The following MBD5 variants were observed in gnomAD, a reference collection of about 807,000 sequenced individuals.
MBD5 encodes methyl-CpG-binding domain protein 5.
In MBD5, 13 loss-of-function variants were observed where a neutral mutation model predicts 117.3. The ratio of observed to expected loss-of-function variants is 0.11; its 90% CI spans 0.07 to 0.18. MBD5 has a LOEUF of 0.18. Ranked by LOEUF, MBD5 falls within the 10% of genes least tolerant of loss-of-function variation. The pLI, the probability that MBD5 is intolerant of heterozygous loss-of-function variation, is 1.00. For synonymous variants in MBD5, 727 were observed against 766.4 expected (o/e 0.95, Z 0.85); for missense variants, 1,879 against 2,093.8 (o/e 0.90, Z 2.00).
At chr2:148,143,358 T>C (rs1697363994) in intron 1 of MBD5, among the ~76,000 whole-genome samples, 1 of 152,218 alleles carries the variant, frequency 6.6e-6, no homozygotes, top group Admixed American at 6.5e-5. Context: ...TGTTTGCCTC[T>C]GGAGACAGAC....
At position 148,513,038 on chromosome 2, in the gene MBD5, T is replaced by A. The variant is rs1682265204; in HGVS notation, c.*97T>A. ...ATATAGCCACAGTTATATCAATATT[T>A]AGACTATGGCAGATAGCTACCACCA... On this transcript the variant is annotated 3_prime_UTR_variant, in exon 14 of 14. Transcript: ENST00000642680. 4 of 1,226,868 alleles carry A rather than the reference T, an allele frequency of 3.3e-6. No individual in the cohort carries two copies. Among genetic ancestry groups the A allele is most frequent in the Non-Finnish European group, 4.8e-6 (4 of 836,650 alleles). 76.0% of individuals were successfully genotyped at this position (1,226,868 alleles called of 1,614,324 possible).
At chr2:148,397,260 T>A (rs1301008807) in intron 4 of MBD5, among the ~76,000 whole-genome samples, 1 of 152,054 alleles carries the variant, frequency 6.6e-6, no homozygotes, top group Non-Finnish European at 1.5e-5. Context: ...TATATTTGGC[T>A]TTATTATTCT....
chr2:148,382,012 G>A (rs1704160946), intron 4 of MBD5, among the ~76,000 whole-genome samples: 1 of 152,166 alleles, frequency 6.6e-6, no homozygotes, highest in Non-Finnish European at 1.5e-5. Context: ...ACATGCCAAA[G>A]TGTAAAGACC....
intron 4 of MBD5, among the ~76,000 whole-genome samples, chr2:148,374,553 T>C (rs1283003587): frequency 6.6e-6 from 1 of 152,178 alleles, no homozygotes; most frequent in East Asian, 1.9e-4. Flanking sequence ...GAATTTAAAG[T>C]GATATTAAAG....
intron 4 of MBD5, among the ~76,000 whole-genome samples, chr2:148,379,239 A>C (rs1222073382): frequency 3.3e-5 from 5 of 152,134 alleles, no homozygotes; most frequent in Non-Finnish European, 5.9e-5. Context: ...CAAATACAAA[A>C]AAAAGATGCT....
At chr2:148,140,870 A>G (rs577723946) in intron 1 of MBD5, among the ~76,000 whole-genome samples, 2 of 152,090 alleles carry the variant, frequency 1.3e-5, no homozygotes, top group African/African-American at 2.4e-5. Flanking sequence ...GGCTCAAGCA[A>G]TGCTGTCACC....
Position 148,470,116 on chromosome 2 carries a change from G to T in MBD5, c.2173G>T (p.Ala725Ser), listed in dbSNP as rs747127657. 5.4e-5 allele frequency: 87 copies of T among 1,613,702 alleles called. No individual in the cohort carries two copies. The highest frequency in any genetic ancestry group is 1.3e-4 in the East Asian group (6 of 44,864). ...TAGCAATAGTACCCCGGGTTGTGGG[G>T]CCTCAAATACTGCTTTGCCTTGCTC... is the stretch of plus-strand genomic sequence containing the variant. The part of the protein sequence containing the change: ...LSSNSTPGCG[A>S]SNTALPCSAN... Residue 725 changes from alanine (A) to serine (S), a missense_variant, in exon 8 of 14, where the codon GCC (alanine) becomes TCC (serine). This residue lies in a region of MBD5 where 1,666 missense variants were observed against 1,792.2 expected (regional missense o/e 0.93). Transcript: ENST00000642680.
At chr2:148,230,563 G>C (rs1306855656) in intron 2 of MBD5, among the ~76,000 whole-genome samples, 1 of 152,098 alleles carries the variant, frequency 6.6e-6, no homozygotes, top group African/African-American at 2.4e-5. Context: ...TGGTAACTAA[G>C]GTACAAGACA....
At chr2:148,323,395 G>C (rs1470191449) in intron 3 of MBD5, among the ~76,000 whole-genome samples, 4 of 151,396 alleles carry the variant, frequency 2.6e-5, no homozygotes, top group Non-Finnish European at 5.9e-5. Flanking sequence ...GGTATTTCTA[G>C]TTCTAGATCC....
intron 4 of MBD5, among the ~76,000 whole-genome samples, chr2:148,421,995 G>T (rs2105269304): frequency 6.6e-6 from 1 of 152,330 alleles, no homozygotes; most frequent in East Asian, 1.9e-4. Context: ...AGGGGCAGTT[G>T]TGGGTGCAGC....
intron 13 of MBD5, among the ~76,000 whole-genome samples, chr2:148,510,382 A>C (rs1439532418): frequency 6.6e-6 from 1 of 152,264 alleles, no homozygotes; most frequent in Non-Finnish European, 1.5e-5. Context: ...CGTTTAAAAT[A>C]TGAGCAGCAA....
intron 3 of MBD5, among the ~76,000 whole-genome samples, chr2:148,258,607 G>T (rs1021029130): frequency 3.3e-5 from 5 of 152,284 alleles, no homozygotes; most frequent in African/African-American, 1.2e-4. Context: ...TAGTCTTTGA[G>T]GTAAAGCACC....
chr2:148,471,527 C>A (rs1339827481), intron 8 of MBD5: 2 of 152,092 alleles, frequency 1.3e-5, no homozygotes, highest in South Asian at 4.1e-4. Context: ...TAATAATAAG[C>A]TAGTGTGTAG....
intron 1 of MBD5, among the ~76,000 whole-genome samples, chr2:148,140,248 T>C (rs1462999845): frequency 6.6e-6 from 1 of 152,200 alleles, no homozygotes; most frequent in Non-Finnish European, 1.5e-5. Flanking sequence ...ATATTGACAA[T>C]GGATTTTTGC....
At position 148,173,103 on chromosome 2, in the gene MBD5, G is replaced by T. The variant is rs1029370444; in HGVS notation, c.-924-5597G>T. On this transcript the variant is annotated intron_variant, in intron 1 of 13. Coordinates refer to ENST00000642680, the MANE Select transcript of MBD5 (RefSeq NM_001378120.1). ...GCCGAATGGCACCACTGAAAGAGCA[G>T]TAACAAACAGGGCTAAAACACGCCC... is the stretch of plus-strand genomic sequence containing the variant. Among the ~76,000 whole-genome samples the T allele has an allele frequency of 1.3e-5, 2 of 152,314 alleles. 1 individual carries two copies. The highest frequency in any genetic ancestry group is 2.9e-5 in the Non-Finnish European group (2 of 68,022).
At chr2:148,428,508 T>C (rs1000110767) in intron 4 of MBD5, among the ~76,000 whole-genome samples, 4 of 152,110 alleles carry the variant, frequency 2.6e-5, no homozygotes, top group African/African-American at 9.7e-5. Flanking sequence ...AAATTTCATA[T>C]GGAACCAAAA....
At chr2:148,508,565 C>T (rs1682115903) in intron 12 of MBD5, among the ~76,000 whole-genome samples, 1 of 152,020 alleles carries the variant, frequency 6.6e-6, no homozygotes, top group Admixed American at 6.6e-5. Context: ...ATTAACATTT[C>T]CTTCCAGCGG....
intron 1 of MBD5, among the ~76,000 whole-genome samples, chr2:148,152,025 G>T (rs1281155121): frequency 2.0e-5 from 3 of 150,648 alleles, no homozygotes; most frequent in African/African-American, 7.3e-5. Flanking sequence ...TCTTTTAATT[G>T]TGATGTTAGG....
At position 148,047,962 on chromosome 2, in the gene MBD5, G is replaced by T. The variant is rs540631203; in HGVS notation, c.-925+26278G>T. On this transcript the variant is annotated intron_variant, in intron 1 of 13. Transcript: ENST00000642680. ...TGTTTATTTTAGAAAGCCTCACAAA[G>T]AAGCCTCTAGTAAGATACTGTAGAT... 4.6e-5 allele frequency among the ~76,000 whole-genome samples: 7 copies of T among 152,150 alleles called. No individual in the cohort carries two copies. The South Asian group carries it at 6.2e-4, about 14-fold the overall frequency.
Sources: gnomAD v4.1 joint callset for allele counts (sites outside exome capture counted in the v4.1 genomes callset) on GRCh38, gnomAD v4.1.1 for gene constraint, gnomAD v4.1.1 regional missense constraint, MANE v1.5 for transcripts, NCBI Gene and HGNC (gene_info 2026-07-23, HGNC 2026-07-21) for gene names.